The following HMCN1 variants were observed in gnomAD, a reference collection of about 807,000 sequenced individuals.
The protein encoded by HMCN1 is hemicentin-1.
HMCN1 carries 321 observed loss-of-function variants against 625.9 expected under a neutral mutation model. That is an observed-to-expected ratio of 0.51 (90% confidence interval 0.47 to 0.56). The LOEUF (loss-of-function observed/expected upper bound fraction) is 0.56, where lower values mean the gene tolerates loss of function less well. HMCN1 is among the 20% of genes least tolerant of loss of function. HMCN1 has a pLI of 0.00. For synonymous variants in HMCN1, 2,425 were observed against 2,417.6 expected, an observed-to-expected ratio of 1.00 and a Z score of -0.09; for missense variants, 6,588 against 6,887.3, an observed-to-expected ratio of 0.96 and a Z score of 1.54.
At chr1:186,018,080 CA>C in intron 33 of HMCN1, 102 bp from the exon 34 acceptor site, 4 of 1,035,660 alleles carry the variant, frequency 3.9e-6, no homozygotes, top group Non-Finnish European at 6.0e-6. Context: ...ACAGAGTAAG[CA>C]ACTAGGAAAT....
chr1:186,161,866 T>C (rs2102607166), intron 97 of HMCN1, among the ~76,000 whole-genome samples: 1 of 152,354 alleles, frequency 6.6e-6, no homozygotes, highest in Middle Eastern at 3.4e-3. Flanking sequence ...TTTTCCTTCA[T>C]TTCAACTGGT....
intron 30 of HMCN1, among the ~76,000 whole-genome samples, 191 bp downstream of exon 30, chr1:186,007,473 A>G (rs529252309): frequency 4.6e-5 from 7 of 152,114 alleles, no homozygotes; most frequent in Non-Finnish European, 1.0e-4. Flanking sequence ...GCCTTTTTTC[A>G]TTAAATATGG....
chr1:185,912,885 T>C (rs529064525), intron 6 of HMCN1, among the ~76,000 whole-genome samples: 1 of 152,286 alleles, frequency 6.6e-6, no homozygotes, highest in South Asian at 2.1e-4. Context: ...CATTGTTTAC[T>C]CTTTCATTGT....
At chr1:185,923,802 AC>A (rs549298079) in intron 8 of HMCN1, 149 bp downstream of exon 8, 4 of 699,736 alleles carry the variant, frequency 5.7e-6, no homozygotes, top group Non-Finnish European at 9.7e-6. Flanking sequence ...ATGTACGGTA[AC>A]ACAGTTTTTC....
chr1:186,130,958 T>A (rs951086183), intron 85 of HMCN1, among the ~76,000 whole-genome samples: 3 of 152,198 alleles, frequency 2.0e-5, no homozygotes, highest in Non-Finnish European at 2.9e-5. Context: ...TCCTCAGATC[T>A]GTTTTAGGAC....
At position 185,962,845 on chromosome 1, in the gene HMCN1, G is replaced by T. The variant is rs976700031; in HGVS notation, c.1970+186G>T. On this transcript the variant is annotated intron_variant, in intron 12 of 106. Coordinates refer to ENST00000271588, the MANE Select transcript of HMCN1 (RefSeq NM_031935.3). Reference sequence around the variant, plus strand: ...AAATGATGACTTTATAAAGTTTGAGGTTATTGAGTCTTGAATTCAATAGCT... The same window carrying T: ...AAATGATGACTTTATAAAGTTTGAGTTTATTGAGTCTTGAATTCAATAGCT... Among the ~76,000 whole-genome samples, 21 of 152,112 alleles carry T rather than the reference G, an allele frequency of 1.4e-4. 1 individual carries two copies. Among genetic ancestry groups the T allele is most frequent in the Admixed American group, 1.3e-3 (20 of 15,258 alleles).
At chr1:186,038,152 C>T in intron 37 of HMCN1, 117 bp downstream of exon 37, 1 of 717,282 alleles carries the variant, frequency 1.4e-6, no homozygotes, top group Non-Finnish European at 2.5e-6. Context: ...GAATACATTT[C>T]ATGGGTGAAA....
chr1:185,949,383 C>T (rs1325558517), intron 11 of HMCN1, among the ~76,000 whole-genome samples: 4 of 151,714 alleles, frequency 2.6e-5, no homozygotes, highest in African/African-American at 7.3e-5. Context: ...TACAGGAGCT[C>T]AAATGGGCTG....
intron 2 of HMCN1, among the ~76,000 whole-genome samples, chr1:185,849,207 C>T (rs1452714852): frequency 1.3e-5 from 2 of 152,154 alleles, no homozygotes; most frequent in African/African-American, 4.8e-5. Context: ...TCTGTATCCC[C>T]ACCCATCTCC....
chr1:186,150,926 G>A (rs571146898), intron 93 of HMCN1, among the ~76,000 whole-genome samples: 99 of 151,846 alleles, frequency 6.5e-4, no homozygotes, highest in Non-Finnish European at 1.3e-3. Context: ...TTGGGGACTG[G>A]ACACTGATTG....
At chr1:185,856,877 A>G (rs1662500742) in intron 2 of HMCN1, among the ~76,000 whole-genome samples, 1 of 152,186 alleles carries the variant, frequency 6.6e-6, no homozygotes, top group Non-Finnish European at 1.5e-5. Context: ...TTGCTCTGAG[A>G]TTAACATTCT....
At chr1:185,889,084 G>C (rs1336952125) in intron 4 of HMCN1, among the ~76,000 whole-genome samples, 1,701 of 135,114 alleles carry the variant, frequency 0.013, 15 homozygotes, top group African/African-American at 0.056. Context: ...GTGAATGGGA[G>C]TTCACTCATG....
At chr1:186,112,723 T>C in intron 71 of HMCN1, 89 bp from the exon 72 acceptor site, 1 of 1,496,544 alleles carries the variant, frequency 6.7e-7, no homozygotes, top group Non-Finnish European at 9.2e-7. Flanking sequence ...GGTCCACAGT[T>C]CACTATACTT....
chr1:185,850,344 G>C lies in HMCN1; in HGVS notation c.339+4248G>C, dbSNP rs115816355. On this transcript the variant is annotated intron_variant, in intron 2 of 106. Transcript: ENST00000271588. ...AAGGGCCAAGTAATGGGAATTTCTAGCAGATAGAATGTTAGGAAGGCATTT... is the reference window on the plus strand; with the variant it reads ...AAGGGCCAAGTAATGGGAATTTCTACCAGATAGAATGTTAGGAAGGCATTT... Among the ~76,000 whole-genome samples the C allele has an allele frequency of 3.3e-3, 497 of 152,250 alleles. 3 individuals are homozygous for C. Among genetic ancestry groups the C allele is most frequent in the African/African-American group, 0.011 (467 of 41,542 alleles).
At chr1:185,845,524 T>C (rs1419705278) in intron 1 of HMCN1, among the ~76,000 whole-genome samples, 1 of 152,196 alleles carries the variant, frequency 6.6e-6, no homozygotes, top group African/African-American at 2.4e-5. Context: ...TCTGGCCACA[T>C]CTCTAAATTC....
At chr1:185,842,560 T>C (rs1216094024) in intron 1 of HMCN1, among the ~76,000 whole-genome samples, 2 of 151,142 alleles carry the variant, frequency 1.3e-5, no homozygotes, top group Non-Finnish European at 2.9e-5. Context: ...TGAGACCCTG[T>C]CTCAACAAAA....
Position 186,115,324 on chromosome 1 carries a change from C to T in HMCN1, c.11471C>T (p.Ala3824Val). The stretch of plus-strand genomic sequence containing the variant: ...ATAGTAAATGTTCAAACTACTCTGG[C>T]TTGTGAGGCTACTGGGATACCAAAA... ...TVIVNVQTTL[A>V]CEATGIPKPS... Residue 3824 changes from alanine (A) to valine (V), a missense_variant, in exon 75 of 107, where the codon GCT becomes GTT. Physicochemically the swap from Ala to Val is moderately conservative, Grantham distance 64 (BLOSUM62 0). Around this residue, in one of 3 missense-constraint regions of HMCN1, gnomAD observed 4,628 missense variants for 4,853.1 expected, o/e 0.95. Transcript: ENST00000271588. 6.2e-7 allele frequency: 1 copy of T among 1,613,926 alleles called. No homozygotes were observed. Among genetic ancestry groups the T allele is most frequent in the Non-Finnish European group, 8.5e-7 (1 of 1,179,908 alleles).
rs144384070 is a variant in HMCN1 at position 185,911,745 on chromosome 1, G to A, written c.865G>A (p.Val289Met). The change falls in exon 6 of 107, where the codon GTG becomes ATG. Residue 289 changes from valine (V) to methionine (M), a missense_variant. Val to Met is a conservative substitution (Grantham distance 21, BLOSUM62 1). This residue lies in a region of HMCN1 where 4,628 missense variants were observed against 4,853.1 expected (regional missense o/e 0.95). Coordinates refer to ENST00000271588, the MANE Select transcript of HMCN1 (RefSeq NM_031935.3). Reference protein sequence around the residue: ...NIHNSAKVVNVKEPEAGMWTV... With the variant: ...NIHNSAKVVNMKEPEAGMWTV... ...CCATAACTCTGCCAAAGTAGTGAAT[G>A]TGAAAGAGCCAGAGGCTGGAATGTG... 2.1e-4 allele frequency: 340 copies of A among 1,613,352 alleles called. 3 individuals carry two copies. The African/African-American group carries it at 3.8e-3, about 18-fold the overall frequency.
chr1:185,798,141 T>G (rs1269153700), intron 1 of HMCN1, among the ~76,000 whole-genome samples: 1 of 152,204 alleles, frequency 6.6e-6, no homozygotes, highest in Non-Finnish European at 1.5e-5. Context: ...GGAAAGACTT[T>G]ACTTCTCCTT....
Sources: allele counts gnomAD v4.1 joint callset (sites outside exome capture counted in the v4.1 genomes callset), GRCh38; gene constraint gnomAD v4.1.1; regional missense constraint gnomAD v4.1.1; transcripts MANE v1.5; gene names NCBI Gene and HGNC (gene_info 2026-07-23, HGNC 2026-07-21).